Variants in PLOD3 observed in about 807,000 individuals in gnomAD.
The protein encoded by PLOD3 is multifunctional procollagen lysine hydroxylase and glycosyltransferase LH3.
PLOD3 carries 73 observed loss-of-function variants against 96.9 expected under a neutral mutation model. The observed-to-expected ratio is 0.75, with a 90% CI of 0.62 to 0.92. The LOEUF (loss-of-function observed/expected upper bound fraction) is 0.92, where lower values mean the gene tolerates loss of function less well. Among genes scored for constraint, PLOD3 ranks in the 40% least tolerant of loss-of-function variants. The pLI is 0.00. For missense variants in PLOD3, 1,004 were observed against 1,004.3 expected (o/e 1.00, Z 0.00); for synonymous variants, 454 against 413.7 (o/e 1.10, Z -1.18).
At chr7:101,208,672 G>A in intron 16 of PLOD3, 181 bp downstream of exon 16, 1 of 621,018 alleles carries the variant, frequency 1.6e-6, no homozygotes, top group South Asian at 1.6e-5. Flanking sequence ...ACAGGCATGA[G>A]CCACTGTGCC....
chr7:101,216,803 A>G lies in PLOD3; in HGVS notation c.110-17T>C. ...GCAGCTTCTCTGTTACCAGAGGGAA[A>G]TGGCACTTGAGATCCACCGCCCAGC... On this transcript the variant is annotated splice_polypyrimidine_tract_variant and intron_variant, in intron 1 of 18. Transcript: ENST00000223127. The G allele has an allele frequency of 3.2e-6, 5 of 1,583,948 alleles. No homozygotes were observed. Among genetic ancestry groups the G allele is most frequent in the Non-Finnish European group, 4.3e-6 (5 of 1,153,442 alleles).
Position 101,211,901 on chromosome 7 carries a change from C to T in PLOD3, c.1177G>A (p.Ala393Thr), listed in dbSNP as rs372590450. 11 of 1,611,934 alleles carry T rather than the reference C, an allele frequency of 6.8e-6. No homozygotes were observed. Among genetic ancestry groups the T allele is most frequent in the Middle Eastern group, 1.7e-4 (1 of 6,028 alleles). Residue 393 changes from alanine (A) to threonine (T), a missense_variant, in exon 11 of 19, where the codon GCC becomes ACC. Ala to Thr is a moderately conservative substitution (Grantham distance 58). Around this residue, in one of 5 missense-constraint regions of PLOD3, gnomAD observed 690 missense variants for 650.2 expected, o/e 1.06. Transcript: ENST00000223127. ...PECEFYFSLD[A>T]DAVLTNLQTL... ...TGCAGGTTGGTGAGGACAGCGTCGG[C>T]GTCCAGGCTGAAGTAGAACTCACAC...
chr7:101,212,853 G>C lies in PLOD3; in HGVS notation c.868C>G (p.Pro290Ala). 6.2e-7 allele frequency: 1 copy of C among 1,612,170 alleles called. No homozygotes were observed. Among genetic ancestry groups the C allele is most frequent in the East Asian group, 2.2e-5 (1 of 44,864 alleles). ...CACCCCCACCTCACCTGCCCCCCCG[G>C]GAGTGTCCTCCGGTCCTGGTTGCAG... ...GFCNQDRRTL[P>A]GGQPPPRVFL... The change falls in exon 8 of 19, where the codon CCG becomes GCG. Residue 290 changes from proline to alanine, a missense_variant. Around this residue, in one of 5 missense-constraint regions of PLOD3, gnomAD observed 690 missense variants for 650.2 expected, o/e 1.06. Transcript: ENST00000223127.
At position 101,211,885 on chromosome 7, in the gene PLOD3, G is replaced by T. The variant is rs757073563; in HGVS notation, c.1193C>A (p.Thr398Asn). The change falls in exon 11 of 19, where the codon ACC becomes AAC. Residue 398 changes from threonine (T) to asparagine (N), a missense_variant. Physicochemically the swap from Thr to Asn is moderately conservative, Grantham distance 65 (BLOSUM62 0). Transcript: ENST00000223127. ...GAGGATACGCAGGGTCTGCAGGTTG[G>T]TGAGGACAGCGTCGGCGTCCAGGCT... ...YFSLDADAVL[T>N]NLQTLRILIE... is the part of the protein sequence containing the mutation. The T allele has an allele frequency of 1.7e-5, 27 of 1,612,856 alleles. No homozygotes were observed. In the South Asian group the frequency reaches 3.0e-4, roughly 18 times the overall value.
chr7:101,210,836 A>C, intron 12 of PLOD3, 163 bp from the exon 13 acceptor site: 1 of 692,700 alleles, frequency 1.4e-6, no homozygotes, highest in Non-Finnish European at 2.4e-6. Context: ...CCACCTCCCA[A>C]AATGCGGTCA....
chr7:101,216,675 G>A lies in PLOD3; in HGVS notation c.201+20C>T, dbSNP rs534558868. ...CCCTCCTGCTGGGACCCCCTCCCAGGGGCCTTTCCCTCTCCTCACCCGCAC... is the reference window on the plus strand; with the variant it reads ...CCCTCCTGCTGGGACCCCCTCCCAGAGGCCTTTCCCTCTCCTCACCCGCAC... On this transcript the variant is annotated intron_variant, in intron 2 of 18. Coordinates refer to ENST00000223127, the MANE Select transcript of PLOD3 (RefSeq NM_001084.5). 6.9e-4 allele frequency: 1,112 copies of A among 1,609,740 alleles called. 15 individuals carry two copies. The South Asian group carries it at 0.012, about 17-fold the overall frequency.
At chr7:101,211,003 C>T (rs1431828616) in intron 12 of PLOD3, 1 of 330,716 alleles carries the variant, frequency 3.0e-6, no homozygotes, top group Non-Finnish European at 5.8e-6. Context: ...ACCTTAGCCT[C>T]CCAAATAGCT....
intron 6 of PLOD3, 73 bp from the exon 7 acceptor site, chr7:101,213,277 T>C: frequency 1.0e-6 from 1 of 984,390 alleles, no homozygotes; most frequent in Admixed American, 1.9e-5. Flanking sequence ...CTTCTAAATA[T>C]GGGGTCCCAA....
chr7:101,206,634 G>C, intron 18 of PLOD3, 145 bp downstream of exon 18: 1 of 1,082,832 alleles, frequency 9.2e-7, no homozygotes, highest in South Asian at 1.4e-5. Context: ...GAGGCCGCCT[G>C]CCCAGAAGCG....
Position 101,210,684 on chromosome 7 carries a change from C to G in PLOD3, c.1359-11G>C, listed in dbSNP as rs755398690. ...ACATTCCACACACCCCTGGAGGCAC[C>G]GACACCGCGGTCAGCTGGGAGGACA... On this transcript the variant is annotated splice_polypyrimidine_tract_variant and intron_variant, in intron 12 of 18. Transcript: ENST00000223127. 2.5e-6 allele frequency: 4 copies of G among 1,613,148 alleles called. No individual in the cohort carries two copies. The Admixed American group carries it at 6.7e-5, about 27-fold the overall frequency.
rs1798296659 is a variant in PLOD3 at position 101,217,385 on chromosome 7, C to A, written c.-111G>T. 8.8e-7 allele frequency: 1 copy of A among 1,139,266 alleles called. No individual in the cohort carries two copies. 70.6% of individuals were successfully genotyped at this position (1,139,266 alleles called of 1,614,324 possible). On this transcript the variant is annotated 5_prime_UTR_variant, in exon 1 of 19. Coordinates refer to ENST00000223127, the MANE Select transcript of PLOD3 (RefSeq NM_001084.5). ...AGGGGGCGCTCGGGCTGCTGTGCGG[C>A]CGCCGCGGGGAGCAGCTTGGCTGGG... is the stretch of plus-strand genomic sequence containing the variant.
At chr7:101,213,335 C>T (rs1263526753) in intron 6 of PLOD3, 131 bp from the exon 7 acceptor site, 11 of 724,846 alleles carry the variant, frequency 1.5e-5, no homozygotes, top group South Asian at 3.0e-5. Flanking sequence ...GAGTGTGGCT[C>T]GTTGTGGGCA....
In PLOD3 at chr7:101,212,103, G is replaced by A. The variant is rs549398431; in HGVS notation, c.1127+150C>T. The A allele has an allele frequency of 1.7e-5, 20 of 1,144,876 alleles. No homozygotes were observed. The South Asian group carries it at 1.9e-4, about 11-fold the overall frequency. The allele number at this position is 1,144,876 out of a possible 1,614,324, so 70.9% of individuals were successfully genotyped here. ...TCTGGGTGAGCTGGCAAGGGCAGGA[G>A]TGACAGCATGGGGGCTGCAAGGATG... is the stretch of plus-strand genomic sequence containing the variant. On this transcript the variant is annotated intron_variant, in intron 10 of 18. Coordinates refer to ENST00000223127, the MANE Select transcript of PLOD3 (RefSeq NM_001084.5).
chr7:101,207,535 G>A (rs1010028163), intron 17 of PLOD3, 43 bp downstream of exon 17: 7 of 1,602,540 alleles, frequency 4.4e-6, no homozygotes, highest in Middle Eastern at 1.7e-4. Flanking sequence ...TCCGGGACTG[G>A]GGTGGGGAAG....
At position 101,212,651 on chromosome 7, in the gene PLOD3, G is replaced by A. The variant is rs1798204890; in HGVS notation, c.884C>T (p.Pro295Leu). The A allele has an allele frequency of 1.1e-5, 17 of 1,613,648 alleles. No individual in the cohort carries two copies. The highest frequency in any genetic ancestry group is 1.3e-5 in the African/African-American group (1 of 74,846). Residue 295 changes from proline (P) to leucine (L), a missense_variant, in exon 9 of 19, where the codon CCC becomes CTC. This residue lies in a region of PLOD3 where 690 missense variants were observed against 650.2 expected (regional missense o/e 1.06). Coordinates refer to ENST00000223127, the MANE Select transcript of PLOD3 (RefSeq NM_001084.5). ...DRRTLPGGQP[P>L]PRVFLAVFVE... ...AAACACGGCCAGAAACACCCGGGGG[G>A]GAGGCTGGAAGATGCAACACGCAGG...
chr7:101,213,777 C>T (rs1798226139), intron 6 of PLOD3, among the ~76,000 whole-genome samples: 1 of 152,144 alleles, frequency 6.6e-6, no homozygotes, highest in African/African-American at 2.4e-5. Flanking sequence ...TGGCTCATTG[C>T]AACTTCCACC....
intron 13 of PLOD3, 37 bp downstream of exon 13, chr7:101,210,495 G>T (rs1403032940): frequency 6.2e-7 from 1 of 1,614,084 alleles, no homozygotes; most frequent in African/African-American, 1.3e-5. Context: ...GGAGTCTGGG[G>T]GACTGCCCCC....
Position 101,206,209 on chromosome 7 carries a change from A to G in PLOD3, c.*72T>C. The G allele has an allele frequency of 6.8e-7, 1 of 1,469,270 alleles. No homozygotes were observed. The highest frequency in any genetic ancestry group is 2.3e-5 in the East Asian group (1 of 44,244). 91.0% of individuals were successfully genotyped at this position (1,469,270 alleles called of 1,614,324 possible). Reference sequence around the variant, plus strand: ...GGGGAGACAGAGAGACCCATCCCCCAACTCCCAGGACGGGGGCCAGGCCCC... The same window carrying G: ...GGGGAGACAGAGAGACCCATCCCCCGACTCCCAGGACGGGGGCCAGGCCCC... On this transcript the variant is annotated 3_prime_UTR_variant, in exon 19 of 19. Transcript: ENST00000223127.
At chr7:101,212,994 T>C (rs898194919) in intron 7 of PLOD3, 51 bp from the exon 8 acceptor site, 4 of 1,337,244 alleles carry the variant, frequency 3.0e-6, no homozygotes, top group Non-Finnish European at 4.1e-6. Flanking sequence ...GGGGTGGAGG[T>C]GGGGGTCAGG....
Sources: allele counts gnomAD v4.1 joint callset (sites outside exome capture counted in the v4.1 genomes callset), GRCh38; gene constraint gnomAD v4.1.1; regional missense constraint gnomAD v4.1.1; transcripts MANE v1.5; gene names NCBI Gene and HGNC (gene_info 2026-07-23, HGNC 2026-07-21).